The following ITFG2 variants were observed in gnomAD, a reference collection of about 807,000 sequenced individuals.
The protein encoded by ITFG2 is KICSTOR complex protein ITFG2.
A neutral mutation model predicts 54.4 loss-of-function variants in ITFG2; 36 were observed. The observed-to-expected ratio is 0.66, with a 90% CI of 0.51 to 0.87. ITFG2 has a LOEUF of 0.87. Among genes scored for constraint, ITFG2 ranks in the 40% least tolerant of loss-of-function variants. The pLI, the probability that ITFG2 is intolerant of heterozygous loss-of-function variation, is 0.00. For synonymous variants in ITFG2, 211 were observed against 225.4 expected (o/e 0.94, Z 0.57); for missense variants, 524 against 576.7 (o/e 0.91, Z 0.94).
upstream of ITFG2, chr12:2,835,619 C>T (rs1222642136): frequency 2.6e-5 from 4 of 152,238 alleles, no homozygotes; most frequent in African/African-American, 4.8e-5. Flanking sequence ...CCTGGCATCT[C>T]AGTCTCCTTT....
chr12:2,821,876 C>A, intron 9 of ITFG2, 84 bp downstream of exon 9: 13 of 958,202 alleles, frequency 1.4e-5, no homozygotes, highest in Non-Finnish European at 1.9e-5. Flanking sequence ...GCTATTCTCA[C>A]ATCCCAGGGA....
At chr12:2,855,128 T>A in intron 2 of ITFG2, 1 of 1,533,222 alleles carries the variant, frequency 6.5e-7, no homozygotes. Context: ...GGGGGGCATC[T>A]GTGGGCATTG....
intron 10 of ITFG2, 57 bp from the exon 11 acceptor site, chr12:2,823,713 C>A (rs546897607): frequency 7.9e-5 from 119 of 1,502,302 alleles, no homozygotes; most frequent in Non-Finnish European, 1.0e-4. Context: ...TGCTGTCTGC[C>A]CCCCACTGTC....
downstream of ITFG2, chr12:2,827,384 C>T (rs763224793): frequency 3.2e-5 from 49 of 1,533,262 alleles, no homozygotes; most frequent in Non-Finnish European, 3.7e-5. This position sits in a 1 kb window ranked among gnomAD's most constrained non-coding sequence, Gnocchi z 4.0. Flanking sequence ...CCTCCCACTT[C>T]CCACAGCTTC....
rs1256643120 is a variant in ITFG2, at chr12:2,855,522, C to G, written n.301-2490C>G. On this transcript the variant is annotated intron_variant and non_coding_transcript_variant, in intron 2 of 3. Transcript: ENST00000537710. The stretch of plus-strand genomic sequence containing the variant: ...AGAAAGGTGGGTGAGGCACTCCGCT[C>G]TCCTTCCCAGGCACGACCTCTGCCA... 7 of 1,175,598 alleles carry G rather than the reference C, an allele frequency of 6.0e-6. No individual in the cohort carries two copies. In the East Asian group the frequency reaches 1.9e-4, roughly 33 times the overall value. 72.8% of individuals were successfully genotyped at this position (1,175,598 alleles called of 1,614,324 possible). A position where few individuals can be genotyped will look rare whatever the true frequency, so the allele number is the denominator to read the frequency against.
chr12:2,838,390 T>A (rs1441365526), intron 1 of ITFG2, among the ~76,000 whole-genome samples: 1 of 152,160 alleles, frequency 6.6e-6, no homozygotes, highest in Non-Finnish European at 1.5e-5. Flanking sequence ...ATGAGATGGC[T>A]GGCTCTAGGG....
chr12:2,839,082 A>G (rs2098034950), intron 1 of ITFG2, among the ~76,000 whole-genome samples: 1 of 152,194 alleles, frequency 6.6e-6, no homozygotes, highest in Non-Finnish European at 1.5e-5. Context: ...ACTTGAGGTC[A>G]GGAGTTCGAG....
At chr12:2,833,738 T>C (rs187404671), upstream of ITFG2, among the ~76,000 whole-genome samples, 16 of 152,286 alleles carry the variant, frequency 1.1e-4, no homozygotes, top group Admixed American at 6.5e-5. Flanking sequence ...GGAATAATAA[T>C]AATAGCATTT....
downstream of ITFG2, among the ~76,000 whole-genome samples, chr12:2,831,526 A>G (rs1008201316): frequency 3.3e-5 from 5 of 151,918 alleles, no homozygotes; most frequent in Non-Finnish European, 7.4e-5. Flanking sequence ...AGAGGTTGCA[A>G]TGAGCCAAGA....
exon 4 of ITFG2, chr12:2,859,678 G>T: frequency 6.3e-7 from 1 of 1,585,166 alleles, no homozygotes; most frequent in Non-Finnish European, 8.6e-7. Context: ...AAGGGAAACA[G>T]AGATAAGGTG....
In ITFG2 at chr12:2,823,890, A is replaced by C; in HGVS notation, c.1187A>C (p.Lys396Thr). The change falls in exon 11 of 12, where the codon AAA becomes ACA. Residue 396 changes from lysine to threonine, a missense_variant. By Grantham distance (78) the Lys-to-Thr change is moderately conservative (BLOSUM62 -1). Coordinates refer to ENST00000228799, the MANE Select transcript of ITFG2 (RefSeq NM_018463.4). ...LERMESTNLV[K>T]LLETKPEYHS... is the part of the protein sequence containing the mutation. The stretch of plus-strand genomic sequence containing the variant: ...CGGATGGAGTCTACCAATCTGGTGA[A>C]ACTGCTGGAGACCAAGCCGGAGTAC... 1 of 1,613,682 alleles carries C rather than the reference A, an allele frequency of 6.2e-7. No individual in the cohort carries two copies. The highest frequency in any genetic ancestry group is 1.3e-5 in the African/African-American group (1 of 75,034).
At chr12:2,831,918 T>C (rs2098005233), upstream of ITFG2, among the ~76,000 whole-genome samples, 1 of 152,168 alleles carries the variant, frequency 6.6e-6, no homozygotes, top group Non-Finnish European at 1.5e-5. Flanking sequence ...TTTCTGTTAC[T>C]GCCTGTGTTC....
chr12:2,828,973 G>A (rs945329225), downstream of ITFG2, among the ~76,000 whole-genome samples: 4 of 152,120 alleles, frequency 2.6e-5, no homozygotes, highest in Non-Finnish European at 4.4e-5. Context: ...TTGGAGGCAA[G>A]AGGATCACTT....
At position 2,821,314 on chromosome 12, in the gene ITFG2, C is replaced by A; in HGVS notation, c.748C>A (p.His250Asn). 1 of 1,610,256 alleles carries A rather than the reference C, an allele frequency of 6.2e-7. No homozygotes were observed. Among genetic ancestry groups the A allele is most frequent in the East Asian group, 2.2e-5 (1 of 44,814 alleles). Residue 250 changes from histidine to asparagine, a missense_variant, in exon 7 of 12, where the codon CAC becomes AAC. Physicochemically the swap from His to Asn is moderately conservative, Grantham distance 68. Transcript: ENST00000228799. Reference sequence around the variant, plus strand: ...GCTGCACCAGACATCTGGCCGTATCCACAACAAGAATGTCTCCACTCACCT... The same window carrying A: ...GCTGCACCAGACATCTGGCCGTATCAACAACAAGAATGTCTCCACTCACCT... ...VVLHQTSGRIHNKNVSTHLIG... is the reference protein window; with the variant it reads ...VVLHQTSGRINNKNVSTHLIG...
At chr12:2,849,337 T>C (rs1464530991) in intron 2 of ITFG2, 2 of 1,536,030 alleles carry the variant, frequency 1.3e-6, no homozygotes, top group Non-Finnish European at 1.7e-6. Flanking sequence ...TATCAGGGTT[T>C]GGAAATCCCT....
At chr12:2,843,232 C>T (rs1041930058) in intron 2 of ITFG2, among the ~76,000 whole-genome samples, 2 of 152,166 alleles carry the variant, frequency 1.3e-5, no homozygotes, top group Admixed American at 6.5e-5. Context: ...CTGGGCCTGT[C>T]AGATCTACTG....
rs761717349 is a variant in ITFG2, at chr12:2,822,804, A to C, written c.959A>C (p.His320Pro). The change falls in exon 10 of 12, where the codon CAT becomes CCT. Residue 320 changes from histidine (H) to proline (P), a missense_variant. Transcript: ENST00000228799. ...TCTGTCCTTTTTCAGGGCAACGGGC[A>C]TGAGGAGGTAGTTGCATGCGCCTGG... The part of the protein sequence containing the change: ...LEKLDVTGNG[H>P]EEVVACAWDG... 146 of 1,613,768 alleles carry C rather than the reference A, an allele frequency of 9.0e-5. No homozygotes were observed. The highest frequency in any genetic ancestry group is 1.1e-4 in the Non-Finnish European group (132 of 1,179,824).
chr12:2,827,920 A>C, downstream of ITFG2: 2 of 1,613,820 alleles, frequency 1.2e-6, no homozygotes, highest in Non-Finnish European at 1.7e-6. The surrounding 1 kb of genome is among the most constrained non-coding windows in gnomAD (Gnocchi z 4.0). Context: ...AGAAGGGGGG[A>C]CTTACCCACC....
intron 1 of ITFG2, among the ~76,000 whole-genome samples, chr12:2,816,227 T>C (rs887353732): frequency 2.0e-5 from 3 of 151,750 alleles, no homozygotes; most frequent in Non-Finnish European, 2.9e-5. Context: ...AACGGGGTTT[T>C]ACCATGTTGG....
Sources: gnomAD v4.1 joint callset for allele counts (sites outside exome capture counted in the v4.1 genomes callset) on GRCh38, gnomAD v4.1.1 for gene constraint, Gnocchi (gnomAD v3.1) non-coding constraint, MANE v1.5 for transcripts, NCBI Gene and HGNC (gene_info 2026-07-23, HGNC 2026-07-21) for gene names.